CTNND2: variants seen among roughly 807,000 people sequenced by gnomAD.
CTNND2 encodes catenin delta-2.
CTNND2 carries 22 observed loss-of-function variants against 144.4 expected under a neutral mutation model. The ratio of observed to expected loss-of-function variants is 0.15; its 90% confidence interval spans 0.11 to 0.22. The LOEUF is 0.22. CTNND2 is among the 10% of genes least tolerant of loss of function. The pLI is 1.00. For synonymous variants in CTNND2, 751 were observed against 695.6 expected, an observed-to-expected ratio of 1.08 and a Z score of -1.25; for missense variants, 1,353 against 1,618.8, an observed-to-expected ratio of 0.84 and a Z score of 2.82.
At chr5:11,556,684 T>C (rs976657005) in intron 3 of CTNND2, among the ~76,000 whole-genome samples, 3 of 152,182 alleles carry the variant, frequency 2.0e-5, no homozygotes, top group Non-Finnish European at 4.4e-5. Flanking sequence ...TGGCCTTTGA[T>C]AGTATTTATA....
At chr5:11,627,123 T>C (rs1444698777) in intron 2 of CTNND2, among the ~76,000 whole-genome samples, 1 of 152,092 alleles carries the variant, frequency 6.6e-6, no homozygotes, top group Non-Finnish European at 1.5e-5. Context: ...ACAGCTCTTT[T>C]GCCTTTTGGA....
At chr5:11,396,442 T>A (rs1342772917) in intron 6 of CTNND2, among the ~76,000 whole-genome samples, 1 of 152,194 alleles carries the variant, frequency 6.6e-6, no homozygotes, top group Non-Finnish European at 1.5e-5. Flanking sequence ...CTGCAGCTAA[T>A]GTATTTGTGC....
At chr5:11,399,758 A>T (rs769783741) in intron 5 of CTNND2, among the ~76,000 whole-genome samples, 2 of 152,234 alleles carry the variant, frequency 1.3e-5, no homozygotes, top group African/African-American at 2.4e-5. Flanking sequence ...AACTAGATGT[A>T]CTCTGACAAA....
chr5:11,130,057 G>A (rs1431326545), intron 12 of CTNND2, among the ~76,000 whole-genome samples: 1 of 152,022 alleles, frequency 6.6e-6, no homozygotes, highest in Non-Finnish European at 1.5e-5. Flanking sequence ...CAGTCTTGCT[G>A]TTCGAATTAC....
chr5:11,436,926 G>T lies in CTNND2; in HGVS notation c.288-24857C>A, dbSNP rs1414071553. On this transcript the variant is annotated intron_variant, in intron 3 of 21. Coordinates refer to ENST00000304623, the MANE Select transcript of CTNND2 (RefSeq NM_001332.4). ...GTTAACTTACAAATGGAAAGGAAGA[G>T]TATCTAAAAATACAGGCCAACCTAA... Among the ~76,000 whole-genome samples, 11 of 152,292 alleles carry T rather than the reference G, an allele frequency of 7.2e-5. No individual in the cohort carries two copies. The South Asian group carries it at 2.3e-3, about 32-fold the overall frequency.
chr5:11,724,016 C>T (rs911578047), intron 2 of CTNND2, among the ~76,000 whole-genome samples: 2 of 151,596 alleles, frequency 1.3e-5, no homozygotes, highest in Non-Finnish European at 2.9e-5. Flanking sequence ...GATCACACCA[C>T]TGCACTCCAG....
At chr5:11,287,525 C>T (rs1747878064) in intron 9 of CTNND2, among the ~76,000 whole-genome samples, 1 of 152,088 alleles carries the variant, frequency 6.6e-6, no homozygotes, top group Admixed American at 6.5e-5. Flanking sequence ...GCCAAAGGTG[C>T]CAATGTTTAA....
chr5:11,461,596 A>G (rs567700147), intron 3 of CTNND2, among the ~76,000 whole-genome samples: 1 of 152,236 alleles, frequency 6.6e-6, no homozygotes, highest in Non-Finnish European at 1.5e-5. Context: ...TGTCCCTTCA[A>G]TGTGGTTGAC....
chr5:11,326,219 A>G (rs1171448285), intron 9 of CTNND2, among the ~76,000 whole-genome samples: 1 of 152,176 alleles, frequency 6.6e-6, no homozygotes, highest in Non-Finnish European at 1.5e-5. Context: ...TTTCACAAAT[A>G]AAGCCTTCCT....
intron 9 of CTNND2, among the ~76,000 whole-genome samples, chr5:11,254,591 A>T (rs774768118): frequency 2.8e-4 from 43 of 152,196 alleles, no homozygotes; most frequent in Non-Finnish European, 5.3e-4. Flanking sequence ...ACTAGGTCAG[A>T]GGAAATGCCC....
chr5:11,551,934 C>T (rs1406425350), intron 3 of CTNND2, among the ~76,000 whole-genome samples: 2 of 152,024 alleles, frequency 1.3e-5, no homozygotes, highest in East Asian at 1.9e-4. Flanking sequence ...GAGGTTTTGC[C>T]GTGTTGCCCA....
intron 1 of CTNND2, among the ~76,000 whole-genome samples, chr5:11,833,092 T>G (rs1375124115): frequency 6.6e-6 from 1 of 152,224 alleles, no homozygotes; most frequent in African/African-American, 2.4e-5. Context: ...TTGGTGTTTT[T>G]AAAAAGCTAA....
intron 9 of CTNND2, among the ~76,000 whole-genome samples, chr5:11,326,189 C>T (rs1327794982): frequency 6.6e-6 from 1 of 152,184 alleles, no homozygotes; most frequent in Non-Finnish European, 1.5e-5. Context: ...TGCTTCTGGC[C>T]TGCAGGTTGT....
chr5:11,217,983 ATCCC>A (rs1311785671), intron 10 of CTNND2, among the ~76,000 whole-genome samples: 3 of 151,304 alleles, frequency 2.0e-5, no homozygotes, highest in South Asian at 4.2e-4. Context: ...TAAAAAATAA[ATCCC>A]TCCCTCCCTC....
intron 3 of CTNND2, among the ~76,000 whole-genome samples, chr5:11,555,562 G>A (rs1776157913): frequency 6.6e-6 from 1 of 152,110 alleles, no homozygotes; most frequent in Non-Finnish European, 1.5e-5. Context: ...ATGGTGCTTG[G>A]GAAGCATGGA....
intron 15 of CTNND2, among the ~76,000 whole-genome samples, chr5:11,085,815 C>A (rs1277819879): frequency 6.6e-6 from 1 of 152,142 alleles, no homozygotes; most frequent in South Asian, 2.1e-4. Context: ...GGACAAGCCC[C>A]CCTCCATGGA....
At chr5:11,769,519 T>C (rs981011641) in intron 1 of CTNND2, among the ~76,000 whole-genome samples, 3 of 152,198 alleles carry the variant, frequency 2.0e-5, no homozygotes, top group African/African-American at 7.2e-5. Context: ...CTGTAAAACA[T>C]AACATTCTTC....
intron 3 of CTNND2, among the ~76,000 whole-genome samples, chr5:11,511,883 C>A (rs1771679579): frequency 6.6e-6 from 1 of 152,208 alleles, no homozygotes; most frequent in Non-Finnish European, 1.5e-5. Flanking sequence ...GTGCCCCAGA[C>A]TCATACTTCT....
intron 11 of CTNND2, among the ~76,000 whole-genome samples, chr5:11,174,607 G>A (rs1760277501): frequency 1.3e-5 from 2 of 152,208 alleles, no homozygotes; most frequent in East Asian, 3.9e-4. Context: ...CCATTTAAAA[G>A]CATCTGTTTC....
Sources: allele counts gnomAD v4.1 joint callset (sites outside exome capture counted in the v4.1 genomes callset), GRCh38; gene constraint gnomAD v4.1.1; transcripts MANE v1.5; gene names NCBI Gene and HGNC (gene_info 2026-07-23, HGNC 2026-07-21).